CDK14: variants seen among roughly 807,000 people sequenced by gnomAD.
CDK14 encodes the protein cyclin-dependent kinase 14.
In CDK14, 34 loss-of-function variants were observed where a neutral mutation model predicts 60.7. The observed-to-expected ratio is 0.56, with a 90% CI of 0.43 to 0.75. CDK14 has a LOEUF of 0.75. CDK14 is among the 30% of genes least tolerant of loss of function. The probability of loss-of-function intolerance (pLI) is 0.00; values close to 1 mark genes in which losing one functional copy is unlikely to be tolerated. For missense variants in CDK14, 482 were observed against 564.1 expected (o/e 0.85, Z 1.47); for synonymous variants, 197 against 203.7 (o/e 0.97, Z 0.28).
At chr7:90,936,053 G>A (rs1793742899) in intron 8 of CDK14, among the ~76,000 whole-genome samples, 1 of 148,332 alleles carries the variant, frequency 6.7e-6, no homozygotes, top group South Asian at 2.2e-4. Flanking sequence ...AAAAAAAAAA[G>A]AAAAAAGAAG....
At position 90,742,693 on chromosome 7, in the gene CDK14, T is replaced by C. The variant is rs187182813; in HGVS notation, c.370-4988T>C. On this transcript the variant is annotated intron_variant, in intron 3 of 14. Coordinates refer to ENST00000380050, the MANE Select transcript of CDK14 (RefSeq NM_001287135.2). ...TTATATGCATATATTTAAATTTTCT[T>C]TTATGTATTGGTTTGGCTGCATGCC... 2.4e-3 allele frequency among the ~76,000 whole-genome samples: 358 copies of C among 152,190 alleles called. 1 individual carries two copies. The highest frequency in any genetic ancestry group is 5.2e-3 in the Admixed American group (80 of 15,310).
chr7:90,781,102 G>A (rs1478877534), intron 4 of CDK14, among the ~76,000 whole-genome samples: 9 of 152,096 alleles, frequency 5.9e-5, no homozygotes, highest in African/African-American at 2.2e-4. Context: ...ATTCTAACTG[G>A]TGTGAGATGG....
At chr7:90,785,556 T>A (rs960821259) in intron 4 of CDK14, among the ~76,000 whole-genome samples, 8 of 152,024 alleles carry the variant, frequency 5.3e-5, no homozygotes, top group Non-Finnish European at 1.2e-4. Flanking sequence ...GAGGCCGAGA[T>A]GGGCAGATCA....
Position 90,846,591 on chromosome 7 carries a change from G to A in CDK14, c.545-16584G>A, listed in dbSNP as rs115295590. Among the ~76,000 whole-genome samples, 913 of 152,162 alleles carry A rather than the reference G, an allele frequency of 6.0e-3. 15 individuals are homozygous for A. Among genetic ancestry groups the A allele is most frequent in the African/African-American group, 0.021 (864 of 41,510 alleles). On this transcript the variant is annotated intron_variant, in intron 5 of 14. Transcript: ENST00000380050. ...AAAAACATATCTATTTATTTATTGA[G>A]GTAGTAAGAACAAAAGGAAAAATGT...
intron 5 of CDK14, among the ~76,000 whole-genome samples, chr7:90,801,416 A>G (rs1458921970): frequency 2.0e-5 from 3 of 152,176 alleles, no homozygotes; most frequent in Non-Finnish European, 2.9e-5. Flanking sequence ...TCTGTGGATT[A>G]TTGAATGACA....
At chr7:91,193,997 A>G (rs946697644) in intron 14 of CDK14, among the ~76,000 whole-genome samples, 15 of 152,128 alleles carry the variant, frequency 9.9e-5, no homozygotes, top group Admixed American at 2.0e-4. Context: ...TCTGGTTCAG[A>G]TATGTCTTAT....
chr7:90,781,016 C>T (rs1236418424), intron 4 of CDK14, among the ~76,000 whole-genome samples: 1 of 151,800 alleles, frequency 6.6e-6, no homozygotes, highest in Non-Finnish European at 1.5e-5. Flanking sequence ...TACAGTCCCA[C>T]CAGCAGTGTA....
At chr7:90,661,549 G>A (rs748072797) in intron 2 of CDK14, among the ~76,000 whole-genome samples, 2 of 152,192 alleles carry the variant, frequency 1.3e-5, no homozygotes, top group Non-Finnish European at 2.9e-5. Context: ...AGATAACCCT[G>A]TATTTAACCA....
At chr7:91,046,302 A>C (rs776022413) in intron 11 of CDK14, among the ~76,000 whole-genome samples, 4 of 152,190 alleles carry the variant, frequency 2.6e-5, no homozygotes, top group Non-Finnish European at 4.4e-5. Context: ...CACTTCTTGT[A>C]GTAAGTGACC....
intron 5 of CDK14, among the ~76,000 whole-genome samples, chr7:90,815,383 A>C (rs746924369): frequency 3.3e-5 from 5 of 152,234 alleles, no homozygotes; most frequent in African/African-American, 4.8e-5. Flanking sequence ...ATCTCATGCC[A>C]GTTAGAATGG....
chr7:91,070,573 A>G (rs1798111486), intron 11 of CDK14, among the ~76,000 whole-genome samples: 1 of 152,142 alleles, frequency 6.6e-6, no homozygotes, highest in Non-Finnish European at 1.5e-5. Context: ...AGCATGGGCA[A>G]CATAGTGAAA....
At chr7:90,802,866 C>G (rs1490984938) in intron 5 of CDK14, among the ~76,000 whole-genome samples, 1 of 152,136 alleles carries the variant, frequency 6.6e-6, no homozygotes, top group Non-Finnish European at 1.5e-5. Flanking sequence ...GAGTTATCAT[C>G]TCTTATGTCT....
intron 5 of CDK14, among the ~76,000 whole-genome samples, chr7:90,846,697 G>A (rs1790481029): frequency 6.6e-6 from 1 of 152,266 alleles, no homozygotes; most frequent in East Asian, 1.9e-4. Flanking sequence ...GTGGCCAACC[G>A]TAGGTGTCAT....
intron 4 of CDK14, among the ~76,000 whole-genome samples, chr7:90,760,619 AC>A (rs1804275644): frequency 6.6e-6 from 1 of 152,196 alleles, no homozygotes; most frequent in South Asian, 2.1e-4. Context: ...GGGCTCTTGG[AC>A]CAAAGCTTAT....
At chr7:91,143,257 G>T (rs76528038) in intron 14 of CDK14, among the ~76,000 whole-genome samples, 5,473 of 152,280 alleles carry the variant, frequency 0.036, 170 homozygotes, top group Admixed American at 0.083. Context: ...AACAGAGTAG[G>T]TGAGTGGGTA....
chr7:90,916,457 A>G (rs566516242), intron 7 of CDK14, among the ~76,000 whole-genome samples: 5 of 152,222 alleles, frequency 3.3e-5, no homozygotes, highest in African/African-American at 4.8e-5. Flanking sequence ...TGTTATTTCA[A>G]GGTATCCCCT....
intron 10 of CDK14, among the ~76,000 whole-genome samples, chr7:91,025,909 C>T (rs562132372): frequency 1.8e-4 from 27 of 152,292 alleles, no homozygotes; most frequent in Non-Finnish European, 3.5e-4. Context: ...CACTCACTGT[C>T]AATGTCTTTT....
chr7:90,874,996 A>G (rs1164403547), intron 6 of CDK14, among the ~76,000 whole-genome samples: 1 of 152,126 alleles, frequency 6.6e-6, no homozygotes, highest in Non-Finnish European at 1.5e-5. Context: ...AGAGAATCCC[A>G]TATCCATTAG....
At chr7:90,783,269 A>T (rs778468268) in intron 4 of CDK14, among the ~76,000 whole-genome samples, 1 of 152,130 alleles carries the variant, frequency 6.6e-6, no homozygotes, top group African/African-American at 2.4e-5. Flanking sequence ...TGTTAGTCAC[A>T]TCCTAATAAA....
Sources: gnomAD v4.1 joint callset for allele counts (sites outside exome capture counted in the v4.1 genomes callset) on GRCh38, gnomAD v4.1.1 for gene constraint, MANE v1.5 for transcripts, NCBI Gene and HGNC (gene_info 2026-07-23, HGNC 2026-07-21) for gene names.